P3H2: variants seen among roughly 807,000 people sequenced by gnomAD.
P3H2 encodes the protein leprecan-like 1.
P3H2 carries 80 observed loss-of-function variants against 87.0 expected under a neutral mutation model. The ratio of observed to expected loss-of-function variants is 0.92; its 90% CI spans 0.77 to 1.11. The LOEUF is 1.11. P3H2 is among the 50% of genes least tolerant of loss of function. P3H2 has a pLI of 0.00. For missense variants in P3H2, 1,001 were observed against 923.9 expected (o/e 1.08, Z -1.08); for synonymous variants, 367 against 359.3 (o/e 1.02, Z -0.24).
intron 1 of P3H2, among the ~76,000 whole-genome samples, chr3:190,108,539 T>C (rs1711940834): frequency 6.6e-6 from 1 of 152,242 alleles, no homozygotes; most frequent in Non-Finnish European, 1.5e-5. Flanking sequence ...TACTTTTTCT[T>C]TCCCATATTT....
At chr3:190,085,379 A>G (rs978468339) in intron 1 of P3H2, among the ~76,000 whole-genome samples, 4 of 152,204 alleles carry the variant, frequency 2.6e-5, no homozygotes, top group Non-Finnish European at 5.9e-5. Context: ...CCCCTAATTA[A>G]AAGTCTCTGG....
intron 1 of P3H2, among the ~76,000 whole-genome samples, chr3:190,095,639 C>G (rs1392986467): frequency 6.7e-6 from 1 of 148,176 alleles, no homozygotes; most frequent in East Asian, 2.0e-4. Flanking sequence ...CTCGCTCTGT[C>G]ACCCAGGCTG....
intron 1 of P3H2, among the ~76,000 whole-genome samples, chr3:190,022,345 C>A (rs1577278221): frequency 7.4e-6 from 1 of 135,234 alleles, no homozygotes. Flanking sequence ...GGTGTGCATT[C>A]AAGAAAACAG....
chr3:190,067,007 C>CTTTTTTTTTTTTTTTTTTTTTTTTTTT (rs759812431), intron 1 of P3H2, among the ~76,000 whole-genome samples: 1 of 145,110 alleles, frequency 6.9e-6, no homozygotes, highest in Non-Finnish European at 1.5e-5. Context: ...TTTTAATTTT[C>CTTTTTTTTTTTTTTTTTTTTTTTTTTT]TTTCTTTTTT....
intron 1 of P3H2, among the ~76,000 whole-genome samples, chr3:190,026,885 A>G (rs570949343): frequency 0.016 from 2,381 of 152,310 alleles, 33 homozygotes; most frequent in Non-Finnish European, 0.024. Flanking sequence ...CGAAGTGTGT[A>G]GTATTTATCA....
At chr3:190,067,904 T>C (rs1462232122) in intron 1 of P3H2, among the ~76,000 whole-genome samples, 2 of 152,022 alleles carry the variant, frequency 1.3e-5, no homozygotes, top group Non-Finnish European at 2.9e-5. Context: ...AAAAATGAAT[T>C]TGAAAAGAAG....
intron 1 of P3H2, among the ~76,000 whole-genome samples, chr3:190,036,192 A>G (rs1260174330): frequency 5.3e-5 from 8 of 152,162 alleles, no homozygotes; most frequent in Non-Finnish European, 1.0e-4. Flanking sequence ...GTATAACCAC[A>G]TCACTCTGCC....
upstream of P3H2, among the ~76,000 whole-genome samples, chr3:190,121,981 A>C (rs1319028863): frequency 6.6e-6 from 1 of 151,376 alleles, no homozygotes; most frequent in Admixed American, 6.6e-5. Context: ...AGACCCAGCT[A>C]CTCAGGAGGC....
intron 1 of P3H2, among the ~76,000 whole-genome samples, chr3:190,026,201 A>G (rs1725079907): frequency 6.6e-6 from 1 of 152,140 alleles, no homozygotes. Context: ...CTGTTTACTT[A>G]AAAGTCAAAT....
intron 1 of P3H2, among the ~76,000 whole-genome samples, chr3:190,097,166 G>A (rs1727613180): frequency 6.6e-6 from 1 of 152,172 alleles, no homozygotes; most frequent in Admixed American, 6.5e-5. Context: ...AACATGAGAG[G>A]TGATTATCTT....
At chr3:189,958,958 G>C (rs1435238808) in intron 14 of P3H2, among the ~76,000 whole-genome samples, 3 of 151,864 alleles carry the variant, frequency 2.0e-5, no homozygotes, top group Admixed American at 2.0e-4. Flanking sequence ...CAAAGTGCTG[G>C]GATTACAGGA....
chr3:190,042,411 C>A (rs558387044), intron 1 of P3H2, among the ~76,000 whole-genome samples: 1 of 150,906 alleles, frequency 6.6e-6, no homozygotes, highest in Non-Finnish European at 1.5e-5. Context: ...CTAAGAACTT[C>A]ATTGTCTTGT....
intron 14 of P3H2, among the ~76,000 whole-genome samples, chr3:189,959,065 C>T (rs1046385487): frequency 3.3e-5 from 5 of 151,944 alleles, no homozygotes; most frequent in African/African-American, 4.8e-5. Context: ...AAATTGCTCT[C>T]GCTGTTTCAC....
intron 1 of P3H2, among the ~76,000 whole-genome samples, chr3:190,085,458 G>A (rs915789111): frequency 2.6e-5 from 4 of 152,220 alleles, no homozygotes; most frequent in African/African-American, 4.8e-5. Context: ...GAAAAGGATC[G>A]ATTTCCCAAT....
intron 1 of P3H2, among the ~76,000 whole-genome samples, chr3:190,085,764 C>T (rs1727193165): frequency 6.6e-6 from 1 of 152,200 alleles, no homozygotes; most frequent in Admixed American, 6.5e-5. Context: ...TCCCTCTATT[C>T]ATTAATATAG....
chr3:189,963,189 GC>G (rs1250010717), intron 14 of P3H2, among the ~76,000 whole-genome samples: 1 of 152,138 alleles, frequency 6.6e-6, no homozygotes, highest in Non-Finnish European at 1.5e-5. Context: ...TATGACATCT[GC>G]CCACGGGCTT....
intron 1 of P3H2, among the ~76,000 whole-genome samples, chr3:190,106,149 G>A (rs1711828100): frequency 6.6e-6 from 1 of 152,100 alleles, no homozygotes; most frequent in Non-Finnish European, 1.5e-5. Flanking sequence ...TGTTTGAACA[G>A]AGTCCATTTA....
intron 1 of P3H2, among the ~76,000 whole-genome samples, chr3:190,096,324 T>C (rs1198036145): frequency 6.6e-6 from 1 of 152,200 alleles, no homozygotes; most frequent in Non-Finnish European, 1.5e-5. Flanking sequence ...CCTCCCTTGC[T>C]GTTCTCATGA....
chr3:190,094,090 T>C (rs905852113), intron 1 of P3H2, among the ~76,000 whole-genome samples: 9 of 152,218 alleles, frequency 5.9e-5, no homozygotes, highest in Non-Finnish European at 1.2e-4. Flanking sequence ...TCTGATACAC[T>C]GTAAAACCAG....
Sources: allele counts gnomAD v4.1 joint callset (sites outside exome capture counted in the v4.1 genomes callset), GRCh38; gene constraint gnomAD v4.1.1; transcripts MANE v1.5; gene names NCBI Gene and HGNC (gene_info 2026-07-23, HGNC 2026-07-21).